The following CEP170 variants were observed in gnomAD, a reference collection of about 807,000 sequenced individuals.
The protein encoded by CEP170 is centrosomal protein of 170 kDa.
Under a neutral mutation model 151.9 loss-of-function variants are expected in CEP170, and 21 were observed. The ratio of observed to expected loss-of-function variants is 0.14; its 90% confidence interval spans 0.10 to 0.20. The LOEUF is 0.20. CEP170 is among the 10% of genes least tolerant of loss of function. The pLI is 1.00. For synonymous variants in CEP170, 356 were observed against 648.8 expected, an observed-to-expected ratio of 0.55 and a Z score of 6.86; for missense variants, 964 against 1,892.9, an observed-to-expected ratio of 0.51 and a Z score of 9.11.
intron 10 of CEP170, among the ~76,000 whole-genome samples, chr1:243,173,735 CAAAAA>C (rs199827738): frequency 1.4e-5 from 1 of 72,732 alleles, no homozygotes. Flanking sequence ...GACCCTGTTT[CAAAAA>C]AAAAAAAAAA....
Position 243,185,908 on chromosome 1 carries a change from T to C in CEP170, c.1437A>G (p.Leu479=), listed in dbSNP as rs752185151. The change falls in exon 10 of 20, where the codon TTA becomes TTG. Residue 479 remains leucine (L), a synonymous_variant. Coordinates refer to ENST00000366542, the MANE Select transcript of CEP170 (RefSeq NM_014812.3). The surrounding 1 kb of genome is among the most constrained non-coding windows in gnomAD (Gnocchi z 4.9). ...HRPSQEMDKM[L]KNQATSATSE... Reference sequence around the variant, plus strand: ...AAGTAGCAGAAGTTGCTTGATTTTTTAACATTTTATCCATCTCCTGGCTTG... The same window carrying C: ...AAGTAGCAGAAGTTGCTTGATTTTTCAACATTTTATCCATCTCCTGGCTTG... 3.8e-5 allele frequency: 61 copies of C among 1,613,674 alleles called. No individual in the cohort carries two copies. The highest frequency in any genetic ancestry group is 1.6e-4 in the Middle Eastern group (1 of 6,078).
At chr1:243,221,511 C>T in intron 3 of CEP170, 1 of 496,540 alleles carries the variant, frequency 2.0e-6, no homozygotes, top group Non-Finnish European at 3.5e-6. Flanking sequence ...TGACAACCAC[C>T]TTCTGGATTC....
intron 7 of CEP170, 80 bp downstream of exon 7, chr1:243,198,980 A>G: frequency 1.2e-6 from 1 of 861,104 alleles, no homozygotes; most frequent in Non-Finnish European, 1.8e-6. Flanking sequence ...ATCTCTTTTC[A>G]TGGTAGACAG....
rs753239336 is a variant in CEP170, at chr1:243,221,769, C to T, written c.150G>A (p.Ala50=). The change falls in exon 3 of 20, where the codon GCG becomes GCA. Residue 50 remains alanine (A), a synonymous_variant. Transcript: ENST00000366542. ...CCTTCACTAAATGCTCATCCGTAGA[C>T]GCATCATAGTTGATGACAGCGTGTT... The part of the protein sequence containing the change: ...DKQHAVINYD[A]STDEHLVKDL... 3.5e-5 allele frequency: 56 copies of T among 1,612,992 alleles called. No homozygotes were observed. The highest frequency in any genetic ancestry group is 4.3e-5 in the Non-Finnish European group (51 of 1,179,552).
rs1558529768 is a variant in CEP170, at chr1:243,185,445, GTTGT to G, written c.1566+330_1566+333del. On this transcript the variant is annotated intron_variant, in intron 10 of 19. Coordinates refer to ENST00000366542, the MANE Select transcript of CEP170 (RefSeq NM_014812.3). The surrounding 1 kb of genome is among the most constrained non-coding windows in gnomAD (Gnocchi z 4.9). ...AACAGAGTTATAGCAATGTTTGTTG[GTTGT>G]TTCTTTTTATTTTTTAAGCAAATGC... Among the ~76,000 whole-genome samples, 1 of 152,130 alleles carries G rather than the reference GTTGT, an allele frequency of 6.6e-6. No individual in the cohort carries two copies. Among genetic ancestry groups the G allele is most frequent in the Non-Finnish European group, 1.5e-5 (1 of 68,020 alleles).
At chr1:243,232,612 C>T (rs2063858074) in intron 1 of CEP170, among the ~76,000 whole-genome samples, 1 of 152,170 alleles carries the variant, frequency 6.6e-6, no homozygotes, top group African/African-American at 2.4e-5. Flanking sequence ...TTCCTCCATT[C>T]CTCCCTTCTT....
chr1:243,218,421 G>A (rs2062501674), intron 3 of CEP170, among the ~76,000 whole-genome samples: 1 of 152,238 alleles, frequency 6.6e-6, no homozygotes, highest in Non-Finnish European at 1.5e-5. Context: ...GGTTCCCAAA[G>A]AAAGAGAACC....
At chr1:243,158,444 T>C (rs944051241) in intron 13 of CEP170, among the ~76,000 whole-genome samples, 1 of 152,096 alleles carries the variant, frequency 6.6e-6, no homozygotes, top group African/African-American at 2.4e-5. Flanking sequence ...AAAACGTAAG[T>C]ATGATAAAAC....
At chr1:243,229,632 G>C (rs1283090985) in intron 1 of CEP170, among the ~76,000 whole-genome samples, 1 of 152,134 alleles carries the variant, frequency 6.6e-6, no homozygotes, top group African/African-American at 2.4e-5. Flanking sequence ...TGCATTCCTA[G>C]TGTGGCTTCC....
At chr1:243,200,742 T>G in intron 5 of CEP170, 35 bp downstream of exon 5, 1 of 1,608,782 alleles carries the variant, frequency 6.2e-7, no homozygotes, top group Non-Finnish European at 8.5e-7. Flanking sequence ...TAGTGAAGAG[T>G]AGATTTGCAA....
chr1:243,148,557 G>GCCT (rs1447508586), intron 14 of CEP170, among the ~76,000 whole-genome samples: 1 of 152,208 alleles, frequency 6.6e-6, no homozygotes, highest in Non-Finnish European at 1.5e-5. Flanking sequence ...CTGGGTGACA[G>GCCT]TGAGACTCTG....
intron 12 of CEP170, among the ~76,000 whole-genome samples, chr1:243,167,807 A>G (rs1006005747): frequency 1.3e-5 from 2 of 151,902 alleles, no homozygotes; most frequent in African/African-American, 2.4e-5. Flanking sequence ...TTATCTCCTT[A>G]GTGCTAACTG....
intron 14 of CEP170, among the ~76,000 whole-genome samples, chr1:243,143,462 C>T (rs990367773): frequency 2.6e-5 from 4 of 151,982 alleles, no homozygotes; most frequent in African/African-American, 9.7e-5. Flanking sequence ...TAACTGTTAC[C>T]TGTGATAATC....
At chr1:243,179,854 C>T (rs1388627001) in intron 10 of CEP170, among the ~76,000 whole-genome samples, 3 of 152,088 alleles carry the variant, frequency 2.0e-5, no homozygotes, top group South Asian at 4.1e-4. Context: ...ATAAACCAGA[C>T]GGAAGTGAGT....
At chr1:243,251,190 C>T (rs12071877) in intron 1 of CEP170, among the ~76,000 whole-genome samples, 1 of 152,328 alleles carries the variant, frequency 6.6e-6, no homozygotes, top group African/African-American at 2.4e-5. Context: ...GGAAGCTAAA[C>T]AGGCTTTCCT....
In CEP170 at chr1:243,221,693, A is replaced by C. The variant is rs749521273; in HGVS notation, c.195+31T>G. 4.5e-6 allele frequency: 7 copies of C among 1,568,558 alleles called. No individual in the cohort carries two copies. The Admixed American group carries it at 1.4e-4, about 30-fold the overall frequency. Reference sequence around the variant, plus strand: ...TTCTTACAATATTAAACAAATGTTCAAACAAGACAAAAAATAAACCATTGA... The same window carrying C: ...TTCTTACAATATTAAACAAATGTTCCAACAAGACAAAAAATAAACCATTGA... On this transcript the variant is annotated intron_variant, in intron 3 of 19. Coordinates refer to ENST00000366542, the MANE Select transcript of CEP170 (RefSeq NM_014812.3).
chr1:243,160,952 A>G (rs2058018003), intron 13 of CEP170, among the ~76,000 whole-genome samples: 1 of 152,094 alleles, frequency 6.6e-6, no homozygotes, highest in African/African-American at 2.4e-5. Flanking sequence ...CTTTATTTTG[A>G]TAATTCAAGG....
At chr1:243,229,146 T>G (rs1342977803) in intron 1 of CEP170, among the ~76,000 whole-genome samples, 1 of 152,198 alleles carries the variant, frequency 6.6e-6, no homozygotes, top group Non-Finnish European at 1.5e-5. Context: ...AAAACCTGAT[T>G]GGTGGTTTCT....
chr1:243,135,408 G>A (rs1278900863), intron 17 of CEP170, among the ~76,000 whole-genome samples: 2 of 152,002 alleles, frequency 1.3e-5, no homozygotes, highest in Non-Finnish European at 2.9e-5. Flanking sequence ...GGGTTTCACC[G>A]TGTTAGCCAG....
Sources: allele counts gnomAD v4.1 joint callset (sites outside exome capture counted in the v4.1 genomes callset), GRCh38; gene constraint gnomAD v4.1.1; non-coding constraint Gnocchi (gnomAD v3.1); transcripts MANE v1.5; gene names NCBI Gene and HGNC (gene_info 2026-07-23, HGNC 2026-07-21).